PIEZO2: variants seen among roughly 807,000 people sequenced by gnomAD.
PIEZO2 encodes the protein piezo-type mechanosensitive ion channel component 2.
In PIEZO2, 172 loss-of-function variants were observed where a neutral mutation model predicts 337.3. That is an observed-to-expected ratio of 0.51 (90% confidence interval 0.45 to 0.58). PIEZO2 has a LOEUF of 0.58. PIEZO2 is among the 20% of genes least tolerant of loss of function. The pLI is 0.00. For missense variants in PIEZO2, 3,028 were observed against 3,391.3 expected, an observed-to-expected ratio of 0.89 and a Z score of 2.66; for synonymous variants, 1,251 against 1,228.5, an observed-to-expected ratio of 1.02 and a Z score of -0.38.
Position 10,727,921 on chromosome 18 carries a change from C to G in PIEZO2, c.5029+3486G>C, listed in dbSNP as rs1598406756. On this transcript the variant is annotated intron_variant, in intron 36 of 55. Coordinates refer to ENST00000674853, the MANE Select transcript of PIEZO2 (RefSeq NM_001378183.1). The surrounding 1 kb of genome is among the most constrained non-coding windows in gnomAD (Gnocchi z 6.3). ...TCAGAATCCTCACTGAGCTCCCAGT[C>G]CAGAGGGAAGCCAGACAATTAAAAC... 6.6e-6 allele frequency: 1 copy of G among 150,618 alleles called. No individual in the cohort carries two copies. The highest frequency in any genetic ancestry group is 2.1e-4 in the South Asian group (1 of 4,784). The allele number at this position is 150,618 out of a possible 1,614,324, so 9.3% of individuals were successfully genotyped here.
At chr18:11,145,360 GAAA>G (rs34507840) in intron 1 of PIEZO2, among the ~76,000 whole-genome samples, 1 of 151,628 alleles carries the variant, frequency 6.6e-6, no homozygotes, top group Non-Finnish European at 1.5e-5. Context: ...TACGGAAAAA[GAAA>G]AAAAATCTGT....
intron 1 of PIEZO2, among the ~76,000 whole-genome samples, chr18:11,123,951 G>C (rs1356043205): frequency 6.6e-6 from 1 of 152,172 alleles, no homozygotes; most frequent in Non-Finnish European, 1.5e-5. Context: ...CAAAGGAAAA[G>C]TATGTGAGAT....
rs533517573 is a variant in PIEZO2 at position 10,979,137 on chromosome 18, T to C, written c.286+398A>G. On this transcript the variant is annotated intron_variant, in intron 3 of 55. Transcript: ENST00000674853. The surrounding 1 kb of genome is among the most constrained non-coding windows in gnomAD (Gnocchi z 4.0). ...TGTAATAGGATTAATGTCATAGTCA[T>C]GTAATTTCATATAATATTATTCAAC... 6.6e-6 allele frequency among the ~76,000 whole-genome samples: 1 copy of C among 152,250 alleles called. No homozygotes were observed. The highest frequency in any genetic ancestry group is 2.1e-4 in the South Asian group (1 of 4,824).
At chr18:11,121,336 C>T (rs571099075) in intron 1 of PIEZO2, among the ~76,000 whole-genome samples, 1 of 152,306 alleles carries the variant, frequency 6.6e-6, no homozygotes, top group African/African-American at 2.4e-5. Context: ...AGGAGAATCA[C>T]TTGAAGCCAA....
Position 11,127,009 on chromosome 18 carries a change from T to A in PIEZO2, c.64+21516A>T, listed in dbSNP as rs527457001. 6.6e-6 allele frequency among the ~76,000 whole-genome samples: 1 copy of A among 152,300 alleles called. No individual in the cohort carries two copies. The highest frequency in any genetic ancestry group is 6.5e-5 in the Admixed American group (1 of 15,296). On this transcript the variant is annotated intron_variant, in intron 1 of 55. Transcript: ENST00000674853. This position sits in a 1 kb window ranked among gnomAD's most constrained non-coding sequence, Gnocchi z 4.5. ...AAGACACTGTGGGTACAGCAGGGAA[T>A]AAGACAGAGAGTGGGAGCTTGTTTT...
chr18:10,776,672 T>C (rs551294243), intron 18 of PIEZO2, among the ~76,000 whole-genome samples: 2 of 152,326 alleles, frequency 1.3e-5, no homozygotes, highest in Admixed American at 1.3e-4. Flanking sequence ...TCTCAACTAC[T>C]GCATTCCCTG....
At chr18:10,845,373 C>T (rs1372941193) in intron 7 of PIEZO2, among the ~76,000 whole-genome samples, 1 of 151,876 alleles carries the variant, frequency 6.6e-6, no homozygotes, top group Non-Finnish European at 1.5e-5. Context: ...TTTTAAGAGA[C>T]TATGAAAGAG....
intron 2 of PIEZO2, among the ~76,000 whole-genome samples, chr18:11,024,463 G>A (rs1263179256): frequency 2.4e-4 from 36 of 149,902 alleles, no homozygotes; most frequent in Non-Finnish European, 4.3e-4. Flanking sequence ...GGAGAATGGT[G>A]TGAACCCGGG....
At chr18:10,695,561 C>A (rs897722473) in intron 47 of PIEZO2, among the ~76,000 whole-genome samples, 2 of 152,148 alleles carry the variant, frequency 1.3e-5, no homozygotes, top group Non-Finnish European at 1.5e-5. Flanking sequence ...TGCTTTCAAA[C>A]CTCGCTGCAG....
rs1568050792 is a variant in PIEZO2, at chr18:10,782,311, A to ATAATATATTATAATTATATATATATAAT, written c.2493-1946_2493-1945insATTATATATATATAATTATAATATATTA. 7.9e-4 allele frequency among the ~76,000 whole-genome samples: 60 copies of ATAATATATTATAATTATATATATATAAT among 76,130 alleles called. 4 individuals carry two copies. The highest frequency in any genetic ancestry group is 2.9e-3 in the African/African-American group (59 of 20,194). 49.9% of individuals were successfully genotyped at this position (76,130 alleles called of 152,430 possible). On this transcript the variant is annotated intron_variant, in intron 17 of 55. Transcript: ENST00000674853. ...TAATTATAATTATATATAAATAATTATATAATATATTATAATTATATATAA... is the reference window on the plus strand; with the variant it reads ...TAATTATAATTATATATAAATAATTATAATATATTATAATTATATATATATAATTATAATATATTATAATTATATATAA...
At chr18:10,916,328 C>T (rs1213769864) in intron 3 of PIEZO2, among the ~76,000 whole-genome samples, 8 of 152,194 alleles carry the variant, frequency 5.3e-5, no homozygotes. Context: ...CCAGGAGCCG[C>T]CTAGCAGGGG....
intron 34 of PIEZO2, among the ~76,000 whole-genome samples, 146 bp from the exon 35 acceptor site, chr18:10,735,476 C>T (rs986646107): frequency 6.6e-6 from 1 of 152,144 alleles, no homozygotes; most frequent in African/African-American, 2.4e-5. Flanking sequence ...AAAATGTGCT[C>T]TGCTTGTAAG....
chr18:10,969,394 C>A lies in PIEZO2; in HGVS notation c.286+10141G>T, dbSNP rs374964752. On this transcript the variant is annotated intron_variant, in intron 3 of 55. Transcript: ENST00000674853. The surrounding 1 kb of genome is among the most constrained non-coding windows in gnomAD (Gnocchi z 4.5). Reference sequence around the variant, plus strand: ...ACTGGTCGGCATGGTGGGGAGCAGACGGGCGTGAGGATCATGACTCCCTGT... The same window carrying A: ...ACTGGTCGGCATGGTGGGGAGCAGAAGGGCGTGAGGATCATGACTCCCTGT... Among the ~76,000 whole-genome samples the A allele has an allele frequency of 3.3e-5, 5 of 152,050 alleles. No homozygotes were observed. The highest frequency in any genetic ancestry group is 3.3e-4 in the Admixed American group (5 of 15,252).
At chr18:10,691,721 A>T (rs1268704926) in intron 47 of PIEZO2, among the ~76,000 whole-genome samples, 1 of 148,738 alleles carries the variant, frequency 6.7e-6, no homozygotes, top group Non-Finnish European at 1.5e-5. Flanking sequence ...CTCCTGAAAG[A>T]AAAAGCCTAT....
chr18:10,937,743 G>A lies in PIEZO2; in HGVS notation c.287-26515C>T, dbSNP rs1598719978. ...GCCTAATCCTCCAGTGCCACTTCTG[G>A]TCTCTCCTAAGCAATCCAGGATGTC... is the stretch of plus-strand genomic sequence containing the variant. On this transcript the variant is annotated intron_variant, in intron 3 of 55. Coordinates refer to ENST00000674853, the MANE Select transcript of PIEZO2 (RefSeq NM_001378183.1). 2.0e-5 allele frequency among the ~76,000 whole-genome samples: 3 copies of A among 152,090 alleles called. No individual in the cohort carries two copies. In the East Asian group the frequency reaches 5.8e-4, roughly 29 times the overall value.
rs2040889528 is a variant in PIEZO2 at position 11,149,211 on chromosome 18, C to G, written c.-623G>C. ...CGGCCCGCGGCGGATCCCCGAGAGGCAGCGCAGCTCAGCCCCTGCGCCCCC... is the reference window on the plus strand; with the variant it reads ...CGGCCCGCGGCGGATCCCCGAGAGGGAGCGCAGCTCAGCCCCTGCGCCCCC... On this transcript the variant is annotated 5_prime_UTR_variant, in exon 1 of 56. Transcript: ENST00000674853. This position sits in a 1 kb window ranked among gnomAD's most constrained non-coding sequence, Gnocchi z 8.7. Among the ~76,000 whole-genome samples the G allele has an allele frequency of 6.6e-6, 1 of 152,004 alleles. No homozygotes were observed. Among genetic ancestry groups the G allele is most frequent in the African/African-American group, 2.4e-5 (1 of 41,426 alleles).
At chr18:10,986,836 A>G (rs935375533) in intron 2 of PIEZO2, among the ~76,000 whole-genome samples, 7 of 152,034 alleles carry the variant, frequency 4.6e-5, no homozygotes, top group African/African-American at 7.2e-5. Context: ...ATCTACCAAA[A>G]AAACTATTAG....
At chr18:10,698,436 C>T (rs576676773) in intron 44 of PIEZO2, among the ~76,000 whole-genome samples, 1 of 152,178 alleles carries the variant, frequency 6.6e-6, no homozygotes, top group South Asian at 2.1e-4. Flanking sequence ...CTAGTGATTC[C>T]AAGAGGGGCA....
intron 52 of PIEZO2, among the ~76,000 whole-genome samples, chr18:10,679,560 C>A (rs1369206277): frequency 6.6e-6 from 1 of 152,120 alleles, no homozygotes; most frequent in Admixed American, 6.5e-5. Context: ...AATCAACTTT[C>A]AAATCACTTG....
Sources: gnomAD v4.1 joint callset for allele counts (sites outside exome capture counted in the v4.1 genomes callset) on GRCh38, gnomAD v4.1.1 for gene constraint, Gnocchi (gnomAD v3.1) non-coding constraint, MANE v1.5 for transcripts, NCBI Gene and HGNC (gene_info 2026-07-23, HGNC 2026-07-21) for gene names.